Variants in ETV1 observed in about 807,000 individuals in gnomAD.
ETV1 encodes the protein ETS translocation variant 1.
ETV1 carries 27 observed loss-of-function variants against 62.3 expected under a neutral mutation model. The observed-to-expected ratio is 0.43, with a 90% CI of 0.32 to 0.60. The LOEUF (loss-of-function observed/expected upper bound fraction) is 0.60, where lower values mean the gene tolerates loss of function less well. Among genes scored for constraint, ETV1 ranks in the 20% least tolerant of loss-of-function variants. The pLI is 0.06. For synonymous variants in ETV1, 222 were observed against 199.6 expected, an observed-to-expected ratio of 1.11 and a Z score of -0.94; for missense variants, 605 against 605.8, an observed-to-expected ratio of 1.00 and a Z score of 0.01.
intron 7 of ETV1, among the ~76,000 whole-genome samples, chr7:13,938,849 A>G (rs1490748212): frequency 7.9e-5 from 12 of 152,214 alleles, no homozygotes; most frequent in Admixed American, 7.9e-4. Context: ...GCTTGTGCCA[A>G]GTAAAACCCC....
In ETV1 at chr7:13,932,751, C is replaced by G. The variant is rs1373639022; in HGVS notation, c.555-1002G>C. Among the ~76,000 whole-genome samples, 4 of 152,234 alleles carry G rather than the reference C, an allele frequency of 2.6e-5. No homozygotes were observed. In the East Asian group the frequency reaches 7.7e-4, roughly 29 times the overall value. ...TGCCCCAGGAGTGCTTAAAAATAAC[C>G]TATAAAACATTTCTATGAGCAAATA... On this transcript the variant is annotated intron_variant, in intron 8 of 13. Transcript: ENST00000430479.
intron 5 of ETV1, among the ~76,000 whole-genome samples, chr7:13,982,903 CA>C (rs1166883301): frequency 6.6e-6 from 1 of 151,788 alleles, no homozygotes; most frequent in Non-Finnish European, 1.5e-5. Flanking sequence ...TAGTAAGTAA[CA>C]ATAGCACATA....
intron 6 of ETV1, among the ~76,000 whole-genome samples, chr7:13,951,182 G>A (rs2128472219): frequency 6.6e-6 from 1 of 152,072 alleles, no homozygotes; most frequent in South Asian, 2.1e-4. Context: ...AAATGTGCAT[G>A]TGCATGTTCT....
chr7:13,970,387 G>A lies in ETV1; in HGVS notation c.235+7040C>T, dbSNP rs1001816054. The stretch of plus-strand genomic sequence containing the variant: ...TCAGAACCATCAAGAGGTAGCTATC[G>A]TATAACTCTCAGGAATACTAACTTG... On this transcript the variant is annotated intron_variant, in intron 6 of 13. Coordinates refer to ENST00000430479, the MANE Select transcript of ETV1 (RefSeq NM_004956.5). Among the ~76,000 whole-genome samples the A allele has an allele frequency of 2.6e-5, 4 of 151,128 alleles. No individual in the cohort carries two copies. In the South Asian group the frequency reaches 6.3e-4, roughly 24 times the overall value.
intron 9 of ETV1, among the ~76,000 whole-genome samples, chr7:13,929,028 A>T (rs528489880): frequency 5.3e-5 from 8 of 152,368 alleles, no homozygotes; most frequent in Middle Eastern, 3.4e-3. Flanking sequence ...CTTTGGAATG[A>T]TTATTTGAGA....
intron 9 of ETV1, among the ~76,000 whole-genome samples, chr7:13,927,750 G>T (rs1785597407): frequency 1.3e-5 from 2 of 152,068 alleles, no homozygotes; most frequent in Admixed American, 6.6e-5. Flanking sequence ...AATACATTTT[G>T]ACACCCACAG....
chr7:13,952,395 C>A (rs1788931093), intron 6 of ETV1, among the ~76,000 whole-genome samples: 2 of 152,102 alleles, frequency 1.3e-5, no homozygotes, highest in South Asian at 4.1e-4. Flanking sequence ...CATTCTAAAG[C>A]CATTTACTAA....
intron 9 of ETV1, among the ~76,000 whole-genome samples, chr7:13,931,238 G>C (rs940408098): frequency 2.0e-5 from 3 of 152,188 alleles, no homozygotes; most frequent in South Asian, 4.1e-4. Flanking sequence ...TCCCTCTCGA[G>C]CTGAGACTGT....
rs1373470302 is a variant in ETV1, at chr7:13,900,749, T to A, written c.1201A>T (p.Ile401Phe). ...RSLRYYYEKGIMQKVAGERYV... is the reference protein window; with the variant it reads ...RSLRYYYEKGFMQKVAGERYV... ...TATTAGCTGCTCACCTTTTGCATAA[T>A]TCCTTTCTCATAGTAATAGCGGAGT... is the stretch of plus-strand genomic sequence containing the variant. Residue 401 changes from isoleucine (I) to phenylalanine (F), a missense_variant, in exon 13 of 14, where the codon ATT (isoleucine) becomes TTT (phenylalanine). Ile to Phe is a conservative substitution (Grantham distance 21). Transcript: ENST00000430479. 6.2e-7 allele frequency: 1 copy of A among 1,606,060 alleles called. No individual in the cohort carries two copies. The highest frequency in any genetic ancestry group is 1.1e-5 in the South Asian group (1 of 89,470).
intron 3 of ETV1, chr7:13,988,659 AG>A (rs1782786980): frequency 1.3e-6 from 2 of 1,591,612 alleles, no homozygotes; most frequent in Admixed American, 3.8e-5. Flanking sequence ...ATAAACAAAA[AG>A]TGTCAGCATT....
Position 13,906,465 on chromosome 7 carries a change from G to T in ETV1, c.1075C>A (p.Arg359=), listed in dbSNP as rs1419462186. ...TCAATCAGTTTAAATTCCATGCCTC[G>T]ACCAGTCCAGGCAATAAAATGAGAA... ...SNSHFIAWTG[R]GMEFKLIEPE... Residue 359 remains arginine, a synonymous_variant, in exon 12 of 14, where the codon CGA becomes AGA. Transcript: ENST00000430479. The T allele has an allele frequency of 1.2e-6, 2 of 1,607,884 alleles. No homozygotes were observed. The highest frequency in any genetic ancestry group is 1.7e-6 in the Non-Finnish European group (2 of 1,177,162).
rs746309721 is a variant in ETV1 at position 13,895,845 on chromosome 7, C to T, written c.*21G>A. 6.3e-7 allele frequency: 1 copy of T among 1,583,134 alleles called. No homozygotes were observed. Among genetic ancestry groups the T allele is most frequent in the Non-Finnish European group, 8.7e-7 (1 of 1,155,414 alleles). On this transcript the variant is annotated 3_prime_UTR_variant, in exon 14 of 14. Transcript: ENST00000430479. ...GAAAAAAGGAAAAGCGCAAAAACGC[C>T]CTGCTTGACTGTCACTTGTGTTAAT...
intron 11 of ETV1, among the ~76,000 whole-genome samples, chr7:13,907,299 T>A (rs746096491): frequency 1.3e-5 from 2 of 152,180 alleles, no homozygotes; most frequent in African/African-American, 2.4e-5. Flanking sequence ...CTCTCTCATT[T>A]TTCTTTATCT....
chr7:13,914,280 A>C (rs2128424307), intron 9 of ETV1, among the ~76,000 whole-genome samples: 1 of 152,280 alleles, frequency 6.6e-6, no homozygotes, highest in East Asian at 1.9e-4. Flanking sequence ...AAATCTAAAA[A>C]TTAAATTATG....
chr7:13,947,531 C>T (rs1295829269), intron 6 of ETV1, among the ~76,000 whole-genome samples: 2 of 152,006 alleles, frequency 1.3e-5, no homozygotes, highest in Non-Finnish European at 2.9e-5. Context: ...TTTAAAAAGG[C>T]ACAAAGAAGC....
At chr7:13,961,235 A>G (rs1790133264) in intron 6 of ETV1, among the ~76,000 whole-genome samples, 2 of 152,206 alleles carry the variant, frequency 1.3e-5, no homozygotes, top group African/African-American at 4.8e-5. Flanking sequence ...GGTCAAATAC[A>G]TCTGGTCCTG....
chr7:13,943,965 G>T (rs1787859876), intron 6 of ETV1, among the ~76,000 whole-genome samples: 2 of 152,164 alleles, frequency 1.3e-5, no homozygotes, highest in Non-Finnish European at 2.9e-5. Context: ...CTGAAAATGT[G>T]CTTCAACTTC....
chr7:13,925,241 A>T lies in ETV1; in HGVS notation c.802+6261T>A, dbSNP rs1253260717. Among the ~76,000 whole-genome samples the T allele has an allele frequency of 3.9e-5, 6 of 152,202 alleles. 1 individual carries two copies. Among genetic ancestry groups the T allele is most frequent in the Non-Finnish European group, 8.8e-5 (6 of 68,034 alleles). On this transcript the variant is annotated intron_variant, in intron 9 of 13. Transcript: ENST00000430479. The stretch of plus-strand genomic sequence containing the variant: ...AGCATTGTTTAAACCTATTAGGATA[A>T]CAGAATAGGTCTTCAGGGCTAAAAA...
chr7:13,968,234 A>G (rs919290390), intron 6 of ETV1, among the ~76,000 whole-genome samples: 3 of 151,974 alleles, frequency 2.0e-5, no homozygotes, highest in Non-Finnish European at 4.4e-5. Flanking sequence ...TCTACAATAT[A>G]TTGTTATATT....
Sources: allele counts gnomAD v4.1 joint callset (sites outside exome capture counted in the v4.1 genomes callset), GRCh38; gene constraint gnomAD v4.1.1; transcripts MANE v1.5; gene names NCBI Gene and HGNC (gene_info 2026-07-23, HGNC 2026-07-21).